The following CTNNA3 variants were observed in gnomAD, a reference collection of about 807,000 sequenced individuals.
CTNNA3 encodes the protein catenin alpha-3.
Under a neutral mutation model 95.7 loss-of-function variants are expected in CTNNA3, and 76 were observed. The observed-to-expected ratio is 0.79, with a 90% CI of 0.66 to 0.96. The LOEUF (loss-of-function observed/expected upper bound fraction) is 0.96. Ranked by LOEUF, CTNNA3 falls within the 40% of genes least tolerant of loss-of-function variation. The probability of loss-of-function intolerance (pLI) is 0.00; values close to 1 mark genes in which losing one functional copy is unlikely to be tolerated. For missense variants in CTNNA3, 1,191 were observed against 1,089.8 expected (o/e 1.09, Z -1.31); for synonymous variants, 431 against 374.4 (o/e 1.15, Z -1.74).
At chr10:67,569,508 C>T (rs1236679108) in intron 3 of CTNNA3, among the ~76,000 whole-genome samples, 2 of 152,070 alleles carry the variant, frequency 1.3e-5, no homozygotes, top group African/African-American at 4.8e-5. Context: ...TAAAATGTGG[C>T]CTGAAATCTC....
chr10:67,709,370 C>A (rs1048211830), intron 1 of CTNNA3, among the ~76,000 whole-genome samples: 1 of 152,080 alleles, frequency 6.6e-6, no homozygotes, highest in Non-Finnish European at 1.5e-5. Flanking sequence ...GCAGAACATA[C>A]ATGAATGTCC....
chr10:67,714,271 G>A (rs184800384), intron 1 of CTNNA3, among the ~76,000 whole-genome samples: 7 of 152,302 alleles, frequency 4.6e-5, no homozygotes, highest in Admixed American at 3.3e-4. Flanking sequence ...AAGAAGCCAG[G>A]AAGGAAGTGT....
chr10:66,911,286 T>C (rs2132559080), intron 7 of CTNNA3, among the ~76,000 whole-genome samples: 1 of 152,308 alleles, frequency 6.6e-6, no homozygotes, highest in Admixed American at 6.5e-5. Context: ...TTCAAGTTAA[T>C]AAAAAATTTG....
chr10:67,141,964 A>G (rs1277894543), intron 7 of CTNNA3, among the ~76,000 whole-genome samples: 2 of 152,204 alleles, frequency 1.3e-5, no homozygotes, highest in Non-Finnish European at 2.9e-5. Flanking sequence ...AAATATACCA[A>G]AATGATAAGA....
At chr10:66,133,904 T>G (rs2083238253) in intron 13 of CTNNA3, among the ~76,000 whole-genome samples, 1 of 150,332 alleles carries the variant, frequency 6.7e-6, no homozygotes, top group African/African-American at 2.5e-5. Context: ...TCTAACTTAA[T>G]AGAAAAGTAA....
intron 12 of CTNNA3, among the ~76,000 whole-genome samples, chr10:66,359,703 CTTAT>C (rs1357459157): frequency 1.3e-5 from 2 of 152,034 alleles, no homozygotes; most frequent in African/African-American, 4.8e-5. Context: ...AGAATTATGT[CTTAT>C]TTATTTTGTC....
chr10:67,387,616 C>A (rs1844246805), intron 5 of CTNNA3, among the ~76,000 whole-genome samples: 1 of 152,172 alleles, frequency 6.6e-6, no homozygotes, highest in African/African-American at 2.4e-5. Flanking sequence ...AGGGCACAGA[C>A]AAACAAAAAG....
Position 66,637,169 on chromosome 10 carries a change from C to A in CTNNA3, c.1282-15385G>T, listed in dbSNP as rs1208047075. Among the ~76,000 whole-genome samples, 3 of 152,124 alleles carry A rather than the reference C, an allele frequency of 2.0e-5. No homozygotes were observed. The East Asian group carries it at 5.8e-4, about 29-fold the overall frequency. On this transcript the variant is annotated intron_variant, in intron 9 of 17. Coordinates refer to ENST00000433211, the MANE Select transcript of CTNNA3 (RefSeq NM_013266.4). ...AAATCAGAAATGTTTCGTTTAAATA[C>A]AAATTCTCTTTAAGAAATAGTGAAT... is the stretch of plus-strand genomic sequence containing the variant.
chr10:67,600,773 A>G (rs1843059703), intron 3 of CTNNA3, among the ~76,000 whole-genome samples: 2 of 152,244 alleles, frequency 1.3e-5, no homozygotes, highest in Non-Finnish European at 2.9e-5. Flanking sequence ...TATAATAGCA[A>G]TGCTCATTAA....
At position 66,420,831 on chromosome 10, in the gene CTNNA3, A is replaced by T. The variant is rs761586953; in HGVS notation, c.1532-41479T>A. On this transcript the variant is annotated intron_variant, in intron 11 of 17. Transcript: ENST00000433211. ...TAAATAAATAAATAAATAAATAAAT[A>T]AATAAATAAAAAACAATATGGAGAT... 5.2e-4 allele frequency among the ~76,000 whole-genome samples: 29 copies of T among 55,692 alleles called. No homozygotes were observed. In the Middle Eastern group the frequency reaches 0.035, roughly 67 times the overall value. 36.5% of individuals were successfully genotyped at this position (55,692 alleles called of 152,430 possible). A position where few individuals can be genotyped will look rare whatever the true frequency, so the allele number is the denominator to read the frequency against.
At chr10:66,444,032 A>G (rs1404455040) in intron 11 of CTNNA3, among the ~76,000 whole-genome samples, 1 of 152,208 alleles carries the variant, frequency 6.6e-6, no homozygotes, top group Non-Finnish European at 1.5e-5. Flanking sequence ...AGAACGCAGA[A>G]GCCTCAGGAG....
chr10:65,995,840 G>T (rs2078645323), intron 15 of CTNNA3, among the ~76,000 whole-genome samples: 1 of 152,322 alleles, frequency 6.6e-6, no homozygotes, highest in African/African-American at 2.4e-5. Flanking sequence ...AGTGGTAGTG[G>T]GTGGGGCAAG....
At chr10:67,277,152 T>C (rs1402869083) in intron 5 of CTNNA3, among the ~76,000 whole-genome samples, 1 of 152,126 alleles carries the variant, frequency 6.6e-6, no homozygotes, top group African/African-American at 2.4e-5. Flanking sequence ...CACTCTACTT[T>C]ATTGTTTCAA....
At chr10:66,084,546 C>T (rs1437519361) in intron 14 of CTNNA3, among the ~76,000 whole-genome samples, 2 of 151,972 alleles carry the variant, frequency 1.3e-5, no homozygotes, top group East Asian at 1.9e-4. Flanking sequence ...TAGATGTTTA[C>T]TAAATAATGT....
At chr10:66,656,969 C>T (rs1342899416) in intron 9 of CTNNA3, among the ~76,000 whole-genome samples, 1 of 152,114 alleles carries the variant, frequency 6.6e-6, no homozygotes, top group Non-Finnish European at 1.5e-5. Flanking sequence ...TATGTCCCCA[C>T]ACTTCATACT....
At chr10:66,816,257 G>C (rs1842077999) in intron 7 of CTNNA3, among the ~76,000 whole-genome samples, 1 of 151,986 alleles carries the variant, frequency 6.6e-6, no homozygotes, top group Non-Finnish European at 1.5e-5. Flanking sequence ...AAAAAGCAAA[G>C]TAAAATGGAG....
intron 1 of CTNNA3, among the ~76,000 whole-genome samples, chr10:67,659,646 C>G (rs1361337754): frequency 6.6e-6 from 1 of 152,168 alleles, no homozygotes; most frequent in Non-Finnish European, 1.5e-5. Flanking sequence ...CACTGAATCA[C>G]CAGAACAAGA....
At chr10:67,115,666 T>A (rs1006944187) in intron 7 of CTNNA3, among the ~76,000 whole-genome samples, 4 of 151,366 alleles carry the variant, frequency 2.6e-5, no homozygotes, top group Non-Finnish European at 4.4e-5. Context: ...TACAATGAAA[T>A]TAAAAATAAA....
intron 7 of CTNNA3, among the ~76,000 whole-genome samples, chr10:67,167,353 G>A (rs1003064436): frequency 6.6e-6 from 1 of 152,094 alleles, no homozygotes; most frequent in Admixed American, 6.6e-5. Context: ...CTACCTAATT[G>A]TTATCTCTCT....
Sources: gnomAD v4.1 joint callset for allele counts (sites outside exome capture counted in the v4.1 genomes callset) on GRCh38, gnomAD v4.1.1 for gene constraint, MANE v1.5 for transcripts, NCBI Gene and HGNC (gene_info 2026-07-23, HGNC 2026-07-21) for gene names.